Variants in HS3ST5 observed in about 807,000 individuals in gnomAD.
The protein encoded by HS3ST5 is heparan sulfate-glucosamine 3-sulfotransferase 5, also known as heparan sulfate glucosamine 3-O-sulfotransferase 5.
HS3ST5 carries 10 observed loss-of-function variants against 25.4 expected under a neutral mutation model. That is an observed-to-expected ratio of 0.39 (90% CI 0.24 to 0.67). The LOEUF (loss-of-function observed/expected upper bound fraction) is 0.67. HS3ST5 is among the 30% of genes least tolerant of loss of function. HS3ST5 has a pLI of 0.44. For synonymous variants in HS3ST5, 170 were observed against 162.4 expected (o/e 1.05, Z -0.36); for missense variants, 324 against 420.7 (o/e 0.77, Z 2.01).
chr6:114,126,355 C>T (rs1393496548), intron 3 of HS3ST5, among the ~76,000 whole-genome samples: 1 of 152,128 alleles, frequency 6.6e-6, no homozygotes, highest in Non-Finnish European at 1.5e-5. Context: ...CCATTTGCCT[C>T]AAGGTGTCCC....
At chr6:114,086,240 A>G (rs1461972611) in intron 3 of HS3ST5, among the ~76,000 whole-genome samples, 1 of 152,170 alleles carries the variant, frequency 6.6e-6, no homozygotes, top group Non-Finnish European at 1.5e-5. Flanking sequence ...AGATAGGGAG[A>G]TCACTCAGGT....
At chr6:114,125,420 A>G (rs1227214417) in intron 3 of HS3ST5, among the ~76,000 whole-genome samples, 1 of 152,258 alleles carries the variant, frequency 6.6e-6, no homozygotes, top group Non-Finnish European at 1.5e-5. Context: ...GTAAATATAT[A>G]AAACTATTTT....
At chr6:114,229,625 T>C (rs982112021) in intron 1 of HS3ST5, among the ~76,000 whole-genome samples, 2 of 152,250 alleles carry the variant, frequency 1.3e-5, no homozygotes, top group Non-Finnish European at 2.9e-5. Flanking sequence ...TGATTCTTCC[T>C]TACTGCTAAG....
chr6:114,238,148 G>A (rs576693483), intron 1 of HS3ST5, among the ~76,000 whole-genome samples: 3 of 152,300 alleles, frequency 2.0e-5, no homozygotes, highest in Admixed American at 1.3e-4. Flanking sequence ...TACTGAAGAC[G>A]CTGCTTGATG....
chr6:114,238,827 T>C (rs1175388965), intron 1 of HS3ST5, among the ~76,000 whole-genome samples: 2 of 152,198 alleles, frequency 1.3e-5, no homozygotes, highest in Admixed American at 6.5e-5. Flanking sequence ...AATAGGTTAT[T>C]CTACATAATG....
chr6:114,228,546 A>G (rs1026162511), intron 2 of HS3ST5, 39 bp downstream of exon 2: 32 of 152,250 alleles, frequency 2.1e-4, no homozygotes, highest in African/African-American at 7.5e-4. Context: ...ATTAAGAGTT[A>G]TGCAAATATG....
intron 1 of HS3ST5, among the ~76,000 whole-genome samples, chr6:114,302,089 A>G (rs567123875): frequency 6.6e-6 from 1 of 152,296 alleles, no homozygotes; most frequent in South Asian, 2.1e-4. Context: ...CCAGAAAGGT[A>G]TTGAATGTAT....
At chr6:114,323,380 A>T (rs1776044146) in intron 1 of HS3ST5, among the ~76,000 whole-genome samples, 1 of 151,942 alleles carries the variant, frequency 6.6e-6, no homozygotes, top group African/African-American at 2.4e-5. Context: ...TGATACAGGT[A>T]AAATAATTAA....
chr6:114,168,147 G>A (rs1355969356), intron 3 of HS3ST5, among the ~76,000 whole-genome samples: 1 of 152,056 alleles, frequency 6.6e-6, no homozygotes, highest in Non-Finnish European at 1.5e-5. Context: ...TTCTATGTGG[G>A]CAATACTGAG....
rs905374755 is a variant in HS3ST5 at position 114,228,788 on chromosome 6, A to G, written c.-338-10T>C. 3 of 152,220 alleles carry G rather than the reference A, an allele frequency of 2.0e-5. No homozygotes were observed. Among genetic ancestry groups the G allele is most frequent in the African/African-American group, 7.2e-5 (3 of 41,466 alleles). 9.4% of individuals were successfully genotyped at this position (152,220 alleles called of 1,614,324 possible). Reference sequence around the variant, plus strand: ...GAGTATCTGATTATCTCTAAACAGAACAGAAAAAGAAGTGGTCGGTCACCT... The same window carrying G: ...GAGTATCTGATTATCTCTAAACAGAGCAGAAAAAGAAGTGGTCGGTCACCT... On this transcript the variant is annotated splice_polypyrimidine_tract_variant and intron_variant, in intron 1 of 4. Transcript: ENST00000312719.
At chr6:114,122,079 G>T (rs1258634222) in intron 3 of HS3ST5, among the ~76,000 whole-genome samples, 1 of 152,130 alleles carries the variant, frequency 6.6e-6, no homozygotes, top group East Asian at 1.9e-4. Context: ...CCTGTCCCTG[G>T]GGATGAACCT....
chr6:114,281,525 A>C (rs4945996), intron 1 of HS3ST5, among the ~76,000 whole-genome samples: 149,802 of 152,076 alleles, frequency 0.99, 73,790 homozygotes, highest in Middle Eastern at 1. Flanking sequence ...TTTTCCAATC[A>C]CCTGTGGCCA....
At chr6:114,273,146 T>C (rs1477070951) in intron 1 of HS3ST5, among the ~76,000 whole-genome samples, 1 of 152,066 alleles carries the variant, frequency 6.6e-6, no homozygotes, top group Non-Finnish European at 1.5e-5. Context: ...TGAGAGATTA[T>C]TGTGGCAAAA....
At chr6:114,127,446 T>C (rs1025416195) in intron 3 of HS3ST5, among the ~76,000 whole-genome samples, 1 of 152,154 alleles carries the variant, frequency 6.6e-6, no homozygotes, top group Non-Finnish European at 1.5e-5. Flanking sequence ...ACAAATTTCT[T>C]ACCACTGAGA....
intron 2 of HS3ST5, among the ~76,000 whole-genome samples, chr6:114,216,572 A>G (rs1346820058): frequency 4.6e-5 from 7 of 152,156 alleles, no homozygotes; most frequent in African/African-American, 1.4e-4. Context: ...TTGCTTTACT[A>G]TCTACAGGAA....
At chr6:114,121,467 TTAA>T (rs1776781726) in intron 3 of HS3ST5, among the ~76,000 whole-genome samples, 1 of 152,160 alleles carries the variant, frequency 6.6e-6, no homozygotes, top group Admixed American at 6.5e-5. Flanking sequence ...TTTAAATTTC[TTAA>T]TAAGCAAAAA....
At chr6:114,197,268 T>C (rs554899735) in intron 2 of HS3ST5, among the ~76,000 whole-genome samples, 1 of 152,212 alleles carries the variant, frequency 6.6e-6, no homozygotes, top group African/African-American at 2.4e-5. Flanking sequence ...ATTATTGATA[T>C]TTGTTTGTTT....
At chr6:114,339,562 G>C (rs998354089) in intron 1 of HS3ST5, among the ~76,000 whole-genome samples, 1 of 152,016 alleles carries the variant, frequency 6.6e-6, no homozygotes, top group Non-Finnish European at 1.5e-5. Flanking sequence ...CTATGAATGC[G>C]AATTCACTTT....
At chr6:114,331,248 G>A (rs986217725) in intron 1 of HS3ST5, among the ~76,000 whole-genome samples, 1 of 152,042 alleles carries the variant, frequency 6.6e-6, no homozygotes, top group Non-Finnish European at 1.5e-5. Flanking sequence ...AAGAAGTTAA[G>A]GTGTCTTTTA....
Sources: allele counts gnomAD v4.1 joint callset (sites outside exome capture counted in the v4.1 genomes callset), GRCh38; gene constraint gnomAD v4.1.1; transcripts MANE v1.5; gene names NCBI Gene and HGNC (gene_info 2026-07-23, HGNC 2026-07-21).